Variants in WDR75 observed in about 807,000 individuals in gnomAD.
WDR75 encodes the protein WD repeat-containing protein 75.
Under a neutral mutation model 106.1 loss-of-function variants are expected in WDR75, and 52 were observed. The ratio of observed to expected loss-of-function variants is 0.49; its 90% confidence interval spans 0.39 to 0.62. The LOEUF is 0.62. Ranked by LOEUF, WDR75 falls within the 20% of genes least tolerant of loss-of-function variation. The probability of loss-of-function intolerance (pLI) is 0.00; values close to 1 mark genes in which losing one functional copy is unlikely to be tolerated. For synonymous variants in WDR75, 333 were observed against 335.5 expected, an observed-to-expected ratio of 0.99 and a Z score of 0.08; for missense variants, 905 against 970.3, an observed-to-expected ratio of 0.93 and a Z score of 0.89.
At chr2:189,449,288 T>A (rs773555473) in intron 2 of WDR75, 1 of 1,303,608 alleles carries the variant, frequency 7.7e-7, no homozygotes, top group South Asian at 1.2e-5. Context: ...GGATTTGCAT[T>A]GCCATTCACT....
intron 17 of WDR75, 142 bp downstream of exon 17, chr2:189,470,387 G>A: frequency 1.2e-6 from 1 of 833,330 alleles, no homozygotes; most frequent in Non-Finnish European, 1.8e-6. Context: ...AATATGCTCA[G>A]TACAGCAGCA....
At chr2:189,452,006 G>T in intron 4 of WDR75, 111 bp downstream of exon 4, 2 of 777,922 alleles carry the variant, frequency 2.6e-6, no homozygotes, top group South Asian at 1.8e-5. Flanking sequence ...TTTTAGAATG[G>T]GCATTTAAAT....
At chr2:189,444,975 T>G (rs892351920) in intron 1 of WDR75, among the ~76,000 whole-genome samples, 2 of 152,192 alleles carry the variant, frequency 1.3e-5, no homozygotes, top group African/African-American at 4.8e-5. Context: ...CATCCCTAAT[T>G]TCTTACTTCT....
chr2:189,448,692 C>A, intron 2 of WDR75, 184 bp downstream of exon 2: 2 of 763,874 alleles, frequency 2.6e-6, no homozygotes, highest in Non-Finnish European at 4.5e-6. Flanking sequence ...CCATTTGTTC[C>A]ACAGAATGCT....
chr2:189,467,229 G>A (rs1687021495), intron 13 of WDR75, among the ~76,000 whole-genome samples: 2 of 151,930 alleles, frequency 1.3e-5, no homozygotes, highest in Admixed American at 1.3e-4. Flanking sequence ...ACTAATAATA[G>A]AATGATTACA....
chr2:189,446,755 A>G (rs1686507175), intron 1 of WDR75, among the ~76,000 whole-genome samples: 1 of 152,222 alleles, frequency 6.6e-6, no homozygotes, highest in South Asian at 2.1e-4. Flanking sequence ...ATGTTTTCCT[A>G]TACATACATA....
rs576467732 is a variant in WDR75, at chr2:189,449,300, T to C, written c.216+792T>C. On this transcript the variant is annotated intron_variant, in intron 2 of 20. Coordinates refer to ENST00000314761, the MANE Select transcript of WDR75 (RefSeq NM_032168.3). ...GATGGATTTGCATTGCCATTCACTT[T>C]TATTCCAAAGGAAATAAAGTAGCAC... 6.9e-6 allele frequency: 9 copies of C among 1,303,454 alleles called. No homozygotes were observed. In the African/African-American group the frequency reaches 1.1e-4, roughly 15 times the overall value. 80.7% of individuals were successfully genotyped at this position (1,303,454 alleles called of 1,614,324 possible). A position where few individuals can be genotyped will look rare whatever the true frequency, so the allele number is the denominator to read the frequency against.
chr2:189,474,370 G>GCAC, intron 19 of WDR75, 38 bp downstream of exon 19: 1 of 1,572,890 alleles, frequency 6.4e-7, no homozygotes, highest in East Asian at 2.2e-5. Flanking sequence ...CAGATTAAAT[G>GCAC]CACTTAAAGC....
At chr2:189,458,414 A>T (rs1686786086) in intron 6 of WDR75, among the ~76,000 whole-genome samples, 2 of 152,168 alleles carry the variant, frequency 1.3e-5, no homozygotes, top group South Asian at 4.1e-4. Context: ...GCCTCATGCT[A>T]AGATGTAGGT....
intron 8 of WDR75, among the ~76,000 whole-genome samples, chr2:189,459,887 G>C (rs1686825270): frequency 6.6e-6 from 1 of 152,208 alleles, no homozygotes; most frequent in Admixed American, 6.5e-5. Context: ...TGGTGGGTAG[G>C]TGGGTTTGGA....
intron 4 of WDR75, among the ~76,000 whole-genome samples, chr2:189,452,710 T>C (rs113667261): frequency 2.8e-4 from 42 of 152,314 alleles, no homozygotes; most frequent in African/African-American, 9.6e-4. Context: ...TTAGAAATAA[T>C]TGTCCCTTAC....
At chr2:189,444,562 T>G (rs111929507) in intron 1 of WDR75, among the ~76,000 whole-genome samples, 4 of 142,276 alleles carry the variant, frequency 2.8e-5, no homozygotes, top group Admixed American at 2.0e-4. Flanking sequence ...TTTCCTAAAT[T>G]GCCCACAAGC....
At position 189,458,887 on chromosome 2, in the gene WDR75, G is replaced by A. The variant is rs1182039926; in HGVS notation, c.689+15G>A. 5.6e-6 allele frequency: 9 copies of A among 1,597,284 alleles called. No homozygotes were observed. Among genetic ancestry groups the A allele is most frequent in the Non-Finnish European group, 6.8e-6 (8 of 1,173,532 alleles). On this transcript the variant is annotated intron_variant, in intron 7 of 20. Transcript: ENST00000314761. ...ATTCGTCTTTGGTCAGTTTGCTCAT[G>A]AAGAGCATGGCGATCATTTATGTAC...
chr2:189,463,614 A>G, intron 9 of WDR75, 80 bp from the exon 10 acceptor site: 1 of 1,401,114 alleles, frequency 7.1e-7, no homozygotes, highest in Non-Finnish European at 9.9e-7. Context: ...AGGCTGCATA[A>G]AAAGCCACCC....
Position 189,459,435 on chromosome 2 carries a change from G to T in WDR75, c.778+11G>T. 6.2e-7 allele frequency: 1 copy of T among 1,601,590 alleles called. No individual in the cohort carries two copies. Among genetic ancestry groups the T allele is most frequent in the Non-Finnish European group, 8.5e-7 (1 of 1,172,902 alleles). On this transcript the variant is annotated intron_variant, in intron 8 of 20. Transcript: ENST00000314761. ...CTTTTTCAGTGACAGGTAAGTGCGGGTTTAATTATTAAAATGAACTTTTGA... is the reference window on the plus strand; with the variant it reads ...CTTTTTCAGTGACAGGTAAGTGCGGTTTTAATTATTAAAATGAACTTTTGA...
At position 189,467,091 on chromosome 2, in the gene WDR75, A is replaced by AC. The variant is rs1177676854; in HGVS notation, c.1448-370dup. On this transcript the variant is annotated intron_variant, in intron 13 of 20. Coordinates refer to ENST00000314761, the MANE Select transcript of WDR75 (RefSeq NM_032168.3). ...TTAACAGTGGGGGATACAATCCAAG[A>AC]CCCCCCCGCCCCAGTTGATGCCTGA... 1.2e-4 allele frequency among the ~76,000 whole-genome samples: 18 copies of AC among 150,956 alleles called. No homozygotes were observed. The South Asian group carries it at 1.7e-3, about 14-fold the overall frequency.
At position 189,467,536 on chromosome 2, in the gene WDR75, T is replaced by G; in HGVS notation, c.1516T>G (p.Phe506Val). 6.2e-7 allele frequency: 1 copy of G among 1,611,756 alleles called. No homozygotes were observed. The highest frequency in any genetic ancestry group is 8.5e-7 in the Non-Finnish European group (1 of 1,178,736). ...YHKYQATNCC[F>V]SEDGSLLAVS... ...CAAGTATCAAGCAACTAACTGTTGT[T>G]TCTCCGAAGATGGTTCTTTACTAGC... Residue 506 changes from phenylalanine to valine, a missense_variant, in exon 14 of 21, where the codon TTC (phenylalanine) becomes GTC (valine). Coordinates refer to ENST00000314761, the MANE Select transcript of WDR75 (RefSeq NM_032168.3).
At chr2:189,468,195 T>C (rs1483267165) in intron 14 of WDR75, among the ~76,000 whole-genome samples, 2 of 152,086 alleles carry the variant, frequency 1.3e-5, no homozygotes, top group East Asian at 4.0e-4. Context: ...GTCAGATGAC[T>C]GTACGTTTCA....
At position 189,474,281 on chromosome 2, in the gene WDR75, G is replaced by A. The variant is rs752226372; in HGVS notation, c.2145G>A (p.Glu715=). The change falls in exon 19 of 21, where the codon GAG becomes GAA. Residue 715 remains glutamate, a synonymous_variant. Transcript: ENST00000314761. ...QQDEKLNETL[E]NELVQLPLTE... ...ATGAAAAACTAAACGAAACTTTAGAGAATGAGCTGGTACAACTACCCTTAA... is the reference window on the plus strand; with the variant it reads ...ATGAAAAACTAAACGAAACTTTAGAAAATGAGCTGGTACAACTACCCTTAA... 6.2e-7 allele frequency: 1 copy of A among 1,613,782 alleles called. No homozygotes were observed. Among genetic ancestry groups the A allele is most frequent in the Admixed American group, 1.7e-5 (1 of 59,984 alleles).
Sources: allele counts gnomAD v4.1 joint callset (sites outside exome capture counted in the v4.1 genomes callset), GRCh38; gene constraint gnomAD v4.1.1; transcripts MANE v1.5; gene names NCBI Gene and HGNC (gene_info 2026-07-23, HGNC 2026-07-21).